Variants in FHL5 observed in about 807,000 individuals in gnomAD.
FHL5 encodes four and a half LIM domains protein 5.
FHL5 carries 33 observed loss-of-function variants against 32.0 expected under a neutral mutation model. That is an observed-to-expected ratio of 1.03 (90% CI 0.78 to 1.38). The LOEUF (loss-of-function observed/expected upper bound fraction) is 1.38. Ranked by LOEUF, FHL5 falls within the 40% of genes most tolerant of loss-of-function variation. The pLI, the probability that FHL5 is intolerant of heterozygous loss-of-function variation, is 0.00. For synonymous variants in FHL5, 114 were observed against 113.6 expected (o/e 1.00, Z -0.02); for missense variants, 336 against 343.9 (o/e 0.98, Z 0.18).
chr6:96,603,906 C>A, intron 2 of FHL5, 134 bp downstream of exon 2: 1 of 667,970 alleles, frequency 1.5e-6, no homozygotes, highest in South Asian at 1.9e-5. Flanking sequence ...TTAAAAGTTA[C>A]CAGCAGTCAA....
At chr6:96,599,405 G>C (rs1771104751) in intron 1 of FHL5, among the ~76,000 whole-genome samples, 1 of 151,982 alleles carries the variant, frequency 6.6e-6, no homozygotes, top group Admixed American at 6.6e-5. Flanking sequence ...ATGTTGGTCA[G>C]GCTGCTCTCA....
chr6:96,567,163 C>T (rs186063226), intron 1 of FHL5, among the ~76,000 whole-genome samples: 25 of 151,796 alleles, frequency 1.6e-4, no homozygotes, highest in Non-Finnish European at 3.1e-4. Flanking sequence ...TTGATTTTTA[C>T]ATGTTATGTG....
Position 96,618,285 on chromosome 6 carries a change from A to G in FHL5, c.*2513A>G. Among the ~76,000 whole-genome samples, 1 of 152,244 alleles carries G rather than the reference A, an allele frequency of 6.6e-6. No individual in the cohort carries two copies. Among genetic ancestry groups the G allele is most frequent in the Non-Finnish European group, 1.5e-5 (1 of 68,034 alleles). Reference sequence around the variant, plus strand: ...GGGCTCCCAGTAATTCAAAGGTGACATCTGCATGGGCAGGAAAGAAGTTAA... The same window carrying G: ...GGGCTCCCAGTAATTCAAAGGTGACGTCTGCATGGGCAGGAAAGAAGTTAA... On this transcript the variant is annotated 3_prime_UTR_variant, in exon 6 of 6. Transcript: ENST00000450218.
At chr6:96,599,120 T>C (rs1300737797) in intron 1 of FHL5, among the ~76,000 whole-genome samples, 1 of 151,358 alleles carries the variant, frequency 6.6e-6, no homozygotes, top group East Asian at 1.9e-4. Flanking sequence ...AATACAAAAA[T>C]AGCTATTTAA....
At chr6:96,601,009 T>C (rs752899142) in intron 1 of FHL5, among the ~76,000 whole-genome samples, 5 of 152,214 alleles carry the variant, frequency 3.3e-5, no homozygotes, top group Non-Finnish European at 7.3e-5. Context: ...TGATGTTGCT[T>C]TTACAAAACA....
intron 1 of FHL5, among the ~76,000 whole-genome samples, chr6:96,595,329 A>G (rs1562060120): frequency 6.6e-6 from 1 of 151,700 alleles, no homozygotes; most frequent in Admixed American, 6.6e-5. Flanking sequence ...AGTTATCTGC[A>G]TATCTAATTG....
At chr6:96,577,353 A>G (rs569115542) in intron 1 of FHL5, among the ~76,000 whole-genome samples, 2 of 151,834 alleles carry the variant, frequency 1.3e-5, no homozygotes, top group African/African-American at 2.4e-5. Flanking sequence ...CCACCATTCA[A>G]CCCCAACTCA....
chr6:96,608,687 A>C (rs1771335739), intron 4 of FHL5, among the ~76,000 whole-genome samples: 1 of 152,194 alleles, frequency 6.6e-6, no homozygotes, highest in South Asian at 2.1e-4. Flanking sequence ...TCTGTCACAT[A>C]ATGAGTGCAA....
chr6:96,570,324 G>A (rs553577003), intron 1 of FHL5, among the ~76,000 whole-genome samples: 4 of 152,100 alleles, frequency 2.6e-5, no homozygotes, highest in Admixed American at 1.3e-4. Context: ...TCGCCTGTGA[G>A]GTTTCTGTAG....
chr6:96,594,168 A>G (rs1770979292), intron 1 of FHL5, among the ~76,000 whole-genome samples: 1 of 148,112 alleles, frequency 6.8e-6, no homozygotes, highest in Non-Finnish European at 1.5e-5. Flanking sequence ...GAGTGAATGT[A>G]TAAATGATTT....
At chr6:96,566,128 A>T (rs902304008) in intron 1 of FHL5, among the ~76,000 whole-genome samples, 1 of 151,930 alleles carries the variant, frequency 6.6e-6, no homozygotes, top group Non-Finnish European at 1.5e-5. Flanking sequence ...TGTATTTCTT[A>T]ACCTACCTTT....
chr6:96,589,626 C>G (rs990455759), intron 1 of FHL5, among the ~76,000 whole-genome samples: 1 of 151,950 alleles, frequency 6.6e-6, no homozygotes, highest in African/African-American at 2.4e-5. Context: ...TTCTTTGGCT[C>G]TCTCTTTACT....
At chr6:96,586,162 C>A (rs916920446) in intron 1 of FHL5, among the ~76,000 whole-genome samples, 1 of 152,216 alleles carries the variant, frequency 6.6e-6, no homozygotes, top group Non-Finnish European at 1.5e-5. Context: ...TCCATGACCA[C>A]TATGAGCACA....
At chr6:96,573,465 A>G (rs1013524056) in intron 1 of FHL5, among the ~76,000 whole-genome samples, 1 of 151,706 alleles carries the variant, frequency 6.6e-6, no homozygotes, top group Non-Finnish European at 1.5e-5. Context: ...TTGTAATTAC[A>G]TTCAGTCTAT....
At chr6:96,602,935 A>G (rs1771185702) in intron 1 of FHL5, among the ~76,000 whole-genome samples, 1 of 152,172 alleles carries the variant, frequency 6.6e-6, no homozygotes, top group Non-Finnish European at 1.5e-5. Context: ...TTATTTGGCC[A>G]GTTTGGTAAA....
At chr6:96,577,616 C>T (rs1210122238) in intron 1 of FHL5, among the ~76,000 whole-genome samples, 2 of 152,152 alleles carry the variant, frequency 1.3e-5, no homozygotes, top group Admixed American at 6.5e-5. Context: ...GGGATTTGTA[C>T]TTCCTTTTGA....
intron 1 of FHL5, among the ~76,000 whole-genome samples, chr6:96,583,318 G>C (rs1770731435): frequency 1.3e-5 from 2 of 152,008 alleles, no homozygotes; most frequent in African/African-American, 4.8e-5. Flanking sequence ...TTCTACTGTA[G>C]AATGTGCATG....
At chr6:96,604,258 T>C (rs193028167) in intron 2 of FHL5, among the ~76,000 whole-genome samples, 1 of 152,210 alleles carries the variant, frequency 6.6e-6, no homozygotes, top group East Asian at 1.9e-4. Flanking sequence ...TCTTTCTTTC[T>C]TTCTTTCTTC....
intron 1 of FHL5, among the ~76,000 whole-genome samples, chr6:96,567,407 G>A (rs766515879): frequency 2.6e-5 from 4 of 151,692 alleles, no homozygotes; most frequent in Non-Finnish European, 5.9e-5. Flanking sequence ...AATATATTTT[G>A]AAGTTCAAAA....
Sources: allele counts gnomAD v4.1 joint callset (sites outside exome capture counted in the v4.1 genomes callset), GRCh38; gene constraint gnomAD v4.1.1; transcripts MANE v1.5; gene names NCBI Gene and HGNC (gene_info 2026-07-23, HGNC 2026-07-21).